Variants in APCDD1 observed in about 807,000 individuals in gnomAD.
APCDD1 encodes protein APCDD1.
APCDD1 carries 15 observed loss-of-function variants against 38.1 expected under a neutral mutation model. That is an observed-to-expected ratio of 0.39 (90% confidence interval 0.26 to 0.61). The LOEUF is 0.61. Ranked by LOEUF, APCDD1 falls within the 20% of genes least tolerant of loss-of-function variation. The pLI, the probability that APCDD1 is intolerant of heterozygous loss-of-function variation, is 0.49. For missense variants in APCDD1, 647 were observed against 696.2 expected (o/e 0.93, Z 0.79); for synonymous variants, 261 against 279.7 (o/e 0.93, Z 0.67).
intron 1 of APCDD1, 104 bp downstream of exon 1, chr18:10,455,143 T>C: frequency 6.8e-7 from 1 of 1,478,942 alleles, no homozygotes; most frequent in Non-Finnish European, 9.0e-7. Flanking sequence ...CGGCCTACAC[T>C]GTCCCCTTGG....
chr18:10,465,594 A>C (rs1222863287), intron 1 of APCDD1, among the ~76,000 whole-genome samples: 1 of 152,246 alleles, frequency 6.6e-6, no homozygotes, highest in South Asian at 2.1e-4. Context: ...GAGAATGCCC[A>C]AAAAATATAA....
intron 3 of APCDD1, among the ~76,000 whole-genome samples, chr18:10,481,964 G>A (rs1040880924): frequency 1.3e-5 from 2 of 152,036 alleles, no homozygotes; most frequent in Non-Finnish European, 2.9e-5. Flanking sequence ...TCAGGACCCC[G>A]GCCTCATTAT....
intron 1 of APCDD1, among the ~76,000 whole-genome samples, chr18:10,455,261 T>C (rs1363066929): frequency 6.6e-6 from 1 of 152,186 alleles, no homozygotes; most frequent in Non-Finnish European, 1.5e-5. Flanking sequence ...CGCCCGGAGC[T>C]CTTTGCTGCG....
At chr18:10,483,849 C>T (rs566342946) in intron 3 of APCDD1, among the ~76,000 whole-genome samples, 21 of 152,350 alleles carry the variant, frequency 1.4e-4, no homozygotes, top group African/African-American at 4.3e-4. Context: ...TAGTGGTCAG[C>T]GTTCTGCTAG....
chr18:10,481,188 C>A (rs1204131803), intron 3 of APCDD1, among the ~76,000 whole-genome samples: 1 of 152,190 alleles, frequency 6.6e-6, no homozygotes, highest in East Asian at 1.9e-4. Flanking sequence ...ATTGATCCAC[C>A]TATTCTCCTT....
At chr18:10,481,475 C>T (rs934888316) in intron 3 of APCDD1, among the ~76,000 whole-genome samples, 1 of 151,918 alleles carries the variant, frequency 6.6e-6, no homozygotes, top group African/African-American at 2.4e-5. Context: ...AGATGAGGCA[C>T]CTAGAATAGT....
chr18:10,487,734 G>A lies in APCDD1; in HGVS notation c.1241G>A (p.Gly414Asp), dbSNP rs778631558. The A allele has an allele frequency of 6.2e-7, 1 of 1,614,144 alleles. No homozygotes were observed. Among genetic ancestry groups the A allele is most frequent in the South Asian group, 1.1e-5 (1 of 91,084 alleles). The change falls in exon 5 of 5, where the codon GGC (glycine) becomes GAC (aspartate). Residue 414 changes from glycine (G) to aspartate (D), a missense_variant. Gly to Asp is a moderately conservative substitution (Grantham distance 94). Transcript: ENST00000355285. ...VTHTNGCVALGIKLPHTEYEI... is the reference protein window; with the variant it reads ...VTHTNGCVALDIKLPHTEYEI... ...CACACCAATGGCTGCGTGGCCCTGG[G>A]CATCAAACTACCTCACACGGAGTAC...
rs987487627 is a variant in APCDD1 at position 10,485,932 on chromosome 18, A to G, written c.1096+149A>G. On this transcript the variant is annotated intron_variant, in intron 4 of 4. Coordinates refer to ENST00000355285, the MANE Select transcript of APCDD1 (RefSeq NM_153000.5). The surrounding 1 kb of genome is among the most constrained non-coding windows in gnomAD (Gnocchi z 5.8). ...GTCATTTCTGCCTCAGTCCTTCCCAACGCCCTCTGAGTTTCTCCCTGCTCA... is the reference window on the plus strand; with the variant it reads ...GTCATTTCTGCCTCAGTCCTTCCCAGCGCCCTCTGAGTTTCTCCCTGCTCA... The G allele has an allele frequency of 1.9e-5, 17 of 909,598 alleles. No homozygotes were observed. The highest frequency in any genetic ancestry group is 2.4e-5 in the Non-Finnish European group (14 of 582,332). The allele number at this position is 909,598 out of a possible 1,614,324, so 56.3% of individuals were successfully genotyped here. A position where few individuals can be genotyped will look rare whatever the true frequency, so the allele number is the denominator to read the frequency against.
chr18:10,477,857 A>T (rs1297990906), intron 3 of APCDD1: 1 of 152,214 alleles, frequency 6.6e-6, no homozygotes, highest in Admixed American at 6.5e-5. Context: ...AAGTAAAAAG[A>T]AATAAAAATT....
At position 10,470,580 on chromosome 18, in the gene APCDD1, G is replaced by A. The variant is rs1461681273; in HGVS notation, c.243-950G>A. Among the ~76,000 whole-genome samples the A allele has an allele frequency of 6.6e-6, 1 of 152,230 alleles. No homozygotes were observed. The highest frequency in any genetic ancestry group is 1.9e-4 in the East Asian group (1 of 5,194). ...GCTTCGTCAGTTCAAACCAGAATCTGTGTTAGCATCATAGATGAGAGCAGA... is the reference window on the plus strand; with the variant it reads ...GCTTCGTCAGTTCAAACCAGAATCTATGTTAGCATCATAGATGAGAGCAGA... On this transcript the variant is annotated intron_variant, in intron 2 of 4. Transcript: ENST00000355285. This position sits in a 1 kb window ranked among gnomAD's most constrained non-coding sequence, Gnocchi z 4.1.
chr18:10,483,560 G>A (rs2031185712), intron 3 of APCDD1, among the ~76,000 whole-genome samples: 1 of 152,216 alleles, frequency 6.6e-6, no homozygotes, highest in Admixed American at 6.5e-5. Flanking sequence ...TGCCCTCTCT[G>A]GGAAACCAAA....
chr18:10,488,099 A>T lies in APCDD1; in HGVS notation c.*61A>T. ...TCCTTACTATTGACAGATTTGCTTT[A>T]CCAAAAGAAAAGACATTTATTCTTT... On this transcript the variant is annotated 3_prime_UTR_variant, in exon 5 of 5. Transcript: ENST00000355285. The T allele has an allele frequency of 6.3e-7, 1 of 1,586,984 alleles. No individual in the cohort carries two copies. Among genetic ancestry groups the T allele is most frequent in the African/African-American group, 1.3e-5 (1 of 74,516 alleles).
rs559169507 is a variant in APCDD1, at chr18:10,472,624, C to A, written c.774+563C>A. Among the ~76,000 whole-genome samples, 1 of 152,254 alleles carries A rather than the reference C, an allele frequency of 6.6e-6. No homozygotes were observed. Among genetic ancestry groups the A allele is most frequent in the South Asian group, 2.1e-4 (1 of 4,826 alleles). On this transcript the variant is annotated intron_variant, in intron 3 of 4. Coordinates refer to ENST00000355285, the MANE Select transcript of APCDD1 (RefSeq NM_153000.5). This position sits in a 1 kb window ranked among gnomAD's most constrained non-coding sequence, Gnocchi z 6.6. ...GAGGTCCCAGGGGTTATGGCTCCTG[C>A]CCAGGCCACGCGGCTACTGAGTTTT...
intron 3 of APCDD1, among the ~76,000 whole-genome samples, chr18:10,481,065 A>G (rs908833352): frequency 1.4e-4 from 22 of 152,252 alleles, no homozygotes; most frequent in Admixed American, 6.5e-4. Flanking sequence ...AGTATTGGGA[A>G]GGATGTGGAG....
chr18:10,464,403 G>A (rs1168163341), intron 1 of APCDD1, among the ~76,000 whole-genome samples: 5 of 151,480 alleles, frequency 3.3e-5, no homozygotes, highest in Non-Finnish European at 7.4e-5. Flanking sequence ...CTAAAGTATA[G>A]CAAATAAAGG....
intron 3 of APCDD1, among the ~76,000 whole-genome samples, chr18:10,473,047 C>G (rs922907739): frequency 6.6e-6 from 1 of 152,198 alleles, no homozygotes; most frequent in African/African-American, 2.4e-5. Context: ...GGAACACTCT[C>G]TAGCACGGTG....
At chr18:10,478,819 C>T (rs748334284) in intron 3 of APCDD1, among the ~76,000 whole-genome samples, 8 of 152,212 alleles carry the variant, frequency 5.3e-5, no homozygotes, top group Non-Finnish European at 1.0e-4. Flanking sequence ...AAAGTGGCAT[C>T]ATCATGCTCC....
Position 10,472,524 on chromosome 18 carries a change from G to C in APCDD1, c.774+463G>C, listed in dbSNP as rs1022692037. ...GAGGTGACAGTGGGATTTGTGTGGG[G>C]TGTTAGACTCCACGGAGACTGTCCA... On this transcript the variant is annotated intron_variant, in intron 3 of 4. Coordinates refer to ENST00000355285, the MANE Select transcript of APCDD1 (RefSeq NM_153000.5). The surrounding 1 kb of genome is among the most constrained non-coding windows in gnomAD (Gnocchi z 6.6). Among the ~76,000 whole-genome samples, 2 of 152,178 alleles carry C rather than the reference G, an allele frequency of 1.3e-5. No individual in the cohort carries two copies. The highest frequency in any genetic ancestry group is 4.8e-5 in the African/African-American group (2 of 41,438).
At chr18:10,478,206 C>G (rs890591484) in intron 3 of APCDD1, among the ~76,000 whole-genome samples, 1 of 152,212 alleles carries the variant, frequency 6.6e-6, no homozygotes, top group Non-Finnish European at 1.5e-5. Flanking sequence ...TCCTCCTGGC[C>G]CAGGCCCCTT....
Sources: gnomAD v4.1 joint callset for allele counts (sites outside exome capture counted in the v4.1 genomes callset) on GRCh38, gnomAD v4.1.1 for gene constraint, Gnocchi (gnomAD v3.1) non-coding constraint, MANE v1.5 for transcripts, NCBI Gene and HGNC (gene_info 2026-07-23, HGNC 2026-07-21) for gene names.